Variants in KIAA1671 observed in about 807,000 individuals in gnomAD.
The protein encoded by KIAA1671 is uncharacterized protein KIAA1671.
KIAA1671 carries 52 observed loss-of-function variants against 131.2 expected under a neutral mutation model. That is an observed-to-expected ratio of 0.40 (90% confidence interval 0.32 to 0.50). The LOEUF (loss-of-function observed/expected upper bound fraction) is 0.50, where lower values mean the gene tolerates loss of function less well. Ranked by LOEUF, KIAA1671 falls within the 20% of genes least tolerant of loss-of-function variation. The pLI is 0.73. For missense variants in KIAA1671, 2,360 were observed against 2,364.2 expected (o/e 1.00, Z 0.04); for synonymous variants, 1,003 against 961.6 (o/e 1.04, Z -0.80).
intron 6 of KIAA1671, among the ~76,000 whole-genome samples, chr22:25,091,391 G>C (rs1282676220): frequency 6.6e-6 from 1 of 152,146 alleles, no homozygotes; most frequent in Non-Finnish European, 1.5e-5. Flanking sequence ...GGTGTTGTTT[G>C]TTTGTTGATG....
chr22:25,089,674 A>G (rs1340572377), intron 6 of KIAA1671, among the ~76,000 whole-genome samples: 1 of 152,222 alleles, frequency 6.6e-6, no homozygotes. Flanking sequence ...CTATATCAGC[A>G]TAATAGGTCT....
intron 6 of KIAA1671, among the ~76,000 whole-genome samples, chr22:25,143,640 C>A (rs1229393955): frequency 6.6e-6 from 1 of 152,138 alleles, no homozygotes; most frequent in East Asian, 1.9e-4. Context: ...GCCAGCCAGA[C>A]CTTAGCCACC....
chr22:24,972,358 G>A (rs1922663468), intron 1 of KIAA1671, among the ~76,000 whole-genome samples: 1 of 152,146 alleles, frequency 6.6e-6, no homozygotes, highest in African/African-American at 2.4e-5. Flanking sequence ...TACCCATTCA[G>A]TCTTCTGTCT....
chr22:24,974,766 CACTGCAACCTCA>C (rs1212431674), intron 1 of KIAA1671, among the ~76,000 whole-genome samples: 1 of 139,420 alleles, frequency 7.2e-6, no homozygotes, highest in African/African-American at 2.7e-5. Flanking sequence ...GATCTCGGCT[CACTGCAACCTCA>C]ACTTTCCGGC....
intron 1 of KIAA1671, among the ~76,000 whole-genome samples, chr22:24,970,261 G>A (rs1170575003): frequency 2.0e-5 from 3 of 152,076 alleles, no homozygotes; most frequent in Non-Finnish European, 2.9e-5. Flanking sequence ...GGACAAGGTC[G>A]GCCCACTACC....
Position 25,039,643 on chromosome 22 carries a change from G to C in KIAA1671, c.2513G>C (p.Ser838Thr). 6.5e-7 allele frequency: 1 copy of C among 1,546,432 alleles called. No homozygotes were observed. Among genetic ancestry groups the C allele is most frequent in the Non-Finnish European group, 8.7e-7 (1 of 1,143,166 alleles). Residue 838 changes from serine to threonine, a missense_variant, in exon 5 of 13, where the codon AGC becomes ACC. Transcript: ENST00000358431. ...TCGCACAAAGCCACCGTGGCAGTCA[G>C]CGAAGAGCACTGTGCTCCCGGGGCC... is the stretch of plus-strand genomic sequence containing the variant. Reference protein sequence around the residue: ...VSSHKATVAVSEEHCAPGATS... With the variant: ...VSSHKATVAVTEEHCAPGATS...
At chr22:25,139,864 G>A (rs191859338) in intron 6 of KIAA1671, among the ~76,000 whole-genome samples, 148 of 152,314 alleles carry the variant, frequency 9.7e-4, no homozygotes, top group Admixed American at 4.8e-3. Context: ...CAGCAAGTGT[G>A]AAGGCCTAAG....
At chr22:25,020,785 C>T (rs1925624264) in intron 1 of KIAA1671, among the ~76,000 whole-genome samples, 1 of 152,142 alleles carries the variant, frequency 6.6e-6, no homozygotes. Flanking sequence ...TGTTTTGTGG[C>T]CTGTCTGGGG....
At chr22:25,097,952 A>G (rs1930468292) in intron 6 of KIAA1671, among the ~76,000 whole-genome samples, 1 of 152,228 alleles carries the variant, frequency 6.6e-6, no homozygotes, top group Admixed American at 6.5e-5. Context: ...AATGGCTGCC[A>G]CAGTTCCAGC....
At chr22:25,163,955 G>A (rs187853705) in intron 6 of KIAA1671, among the ~76,000 whole-genome samples, 130 of 152,208 alleles carry the variant, frequency 8.5e-4, no homozygotes, top group Non-Finnish European at 1.5e-3. Context: ...TTAAATTTGG[G>A]GACATATATT....
chr22:25,032,783 C>T, intron 4 of KIAA1671, 87 bp downstream of exon 4: 1 of 759,360 alleles, frequency 1.3e-6, no homozygotes, highest in Non-Finnish European at 2.1e-6. Flanking sequence ...CTTCTAGGCC[C>T]CAGGAAGACT....
chr22:25,007,254 G>T (rs5760795), intron 1 of KIAA1671, among the ~76,000 whole-genome samples: 1 of 152,238 alleles, frequency 6.6e-6, no homozygotes, highest in East Asian at 1.9e-4. Flanking sequence ...TTGGGAGGCC[G>T]AGGCGGGCGG....
intron 6 of KIAA1671, among the ~76,000 whole-genome samples, chr22:25,165,325 A>G (rs1265158378): frequency 6.6e-6 from 1 of 152,200 alleles, no homozygotes; most frequent in East Asian, 1.9e-4. Flanking sequence ...ACAGAGAAGT[A>G]GCTCGTCCAA....
intron 6 of KIAA1671, among the ~76,000 whole-genome samples, chr22:25,113,408 C>T (rs529063363): frequency 2.2e-4 from 34 of 152,352 alleles, no homozygotes; most frequent in African/African-American, 6.3e-4. Flanking sequence ...TGTGTTGGCC[C>T]AGTTTATGGG....
chr22:25,065,321 G>GGCC (rs1327336725), intron 6 of KIAA1671: 1 of 152,238 alleles, frequency 6.6e-6, no homozygotes, highest in Non-Finnish European at 1.5e-5. Context: ...AGGAATGGGT[G>GGCC]GCCGCCTGGG....
intron 6 of KIAA1671, chr22:25,053,187 G>A (rs1245691895): frequency 4.6e-5 from 7 of 152,036 alleles, no homozygotes; most frequent in Admixed American, 4.6e-4. Flanking sequence ...GGCAGAGCTG[G>A]GGCTGGAGTT....
At chr22:25,179,523 C>G in intron 9 of KIAA1671, 1 of 1,606,032 alleles carries the variant, frequency 6.2e-7, no homozygotes, top group Non-Finnish European at 8.5e-7. Context: ...TCGCGCGGCT[C>G]CACCAGCTGC....
chr22:25,094,993 T>C (rs1930327650), intron 6 of KIAA1671, among the ~76,000 whole-genome samples: 1 of 152,196 alleles, frequency 6.6e-6, no homozygotes, highest in Non-Finnish European at 1.5e-5. Context: ...CAGACAGATA[T>C]GAGTGCGCTG....
intron 6 of KIAA1671, among the ~76,000 whole-genome samples, chr22:25,125,103 A>T (rs963375274): frequency 6.6e-6 from 1 of 152,146 alleles, no homozygotes; most frequent in African/African-American, 2.4e-5. Context: ...TCCAGGGGCC[A>T]TCTATAGCAG....
Sources: gnomAD v4.1 joint callset for allele counts (sites outside exome capture counted in the v4.1 genomes callset) on GRCh38, gnomAD v4.1.1 for gene constraint, MANE v1.5 for transcripts, NCBI Gene and HGNC (gene_info 2026-07-23, HGNC 2026-07-21) for gene names.